SSBP3: variants seen among roughly 807,000 people sequenced by gnomAD.
SSBP3 encodes single stranded DNA binding protein 3, also known as single-stranded DNA-binding protein 3.
In SSBP3, 5 loss-of-function variants were observed where a neutral mutation model predicts 69.6. That is an observed-to-expected ratio of 0.07 (90% CI 0.04 to 0.15). SSBP3 has a LOEUF of 0.15. Ranked by LOEUF, SSBP3 falls within the 10% of genes least tolerant of loss-of-function variation. The pLI is 1.00. For missense variants in SSBP3, 312 were observed against 534.0 expected, an observed-to-expected ratio of 0.58 and a Z score of 4.10; for synonymous variants, 196 against 193.4, an observed-to-expected ratio of 1.01 and a Z score of -0.11.
At chr1:54,376,703 T>C (rs1200809571) in intron 4 of SSBP3, among the ~76,000 whole-genome samples, 5 of 152,302 alleles carry the variant, frequency 3.3e-5, no homozygotes, top group East Asian at 1.9e-4. Context: ...AACATCTAAA[T>C]TGGGAATCCC....
chr1:54,380,018 G>C (rs1301697015), intron 4 of SSBP3, among the ~76,000 whole-genome samples: 1 of 152,182 alleles, frequency 6.6e-6, no homozygotes, highest in Non-Finnish European at 1.5e-5. Context: ...TCTGTTAGCG[G>C]AAAGAGCCTG....
intron 4 of SSBP3, among the ~76,000 whole-genome samples, chr1:54,368,149 A>G (rs1647057985): frequency 6.6e-6 from 1 of 151,872 alleles, no homozygotes; most frequent in Non-Finnish European, 1.5e-5. Context: ...TAAAAATACA[A>G]AAGTTAGCCA....
intron 4 of SSBP3, among the ~76,000 whole-genome samples, chr1:54,385,314 C>CT (rs1647996835): frequency 6.6e-6 from 1 of 152,206 alleles, no homozygotes; most frequent in Non-Finnish European, 1.5e-5. Context: ...CCTTAGCTGT[C>CT]TTTGTCCTCA....
intron 4 of SSBP3, among the ~76,000 whole-genome samples, chr1:54,341,413 A>G (rs1033394550): frequency 2.6e-5 from 4 of 152,100 alleles, no homozygotes; most frequent in African/African-American, 9.7e-5. Context: ...TTAAAAAATT[A>G]CAGTGATTTC....
At chr1:54,383,113 C>A (rs1459112877) in intron 4 of SSBP3, among the ~76,000 whole-genome samples, 1 of 152,020 alleles carries the variant, frequency 6.6e-6, no homozygotes, top group South Asian at 2.1e-4. Context: ...GTGGCTCATG[C>A]CTGTAATCCC....
intron 4 of SSBP3, among the ~76,000 whole-genome samples, chr1:54,359,825 C>T (rs1213839631): frequency 1.3e-5 from 2 of 152,140 alleles, no homozygotes; most frequent in Non-Finnish European, 2.9e-5. Flanking sequence ...TGGTACCCCA[C>T]AGCAACACCA....
intron 4 of SSBP3, among the ~76,000 whole-genome samples, chr1:54,389,065 G>C (rs182775853): frequency 2.1e-3 from 325 of 152,300 alleles, no homozygotes; most frequent in Non-Finnish European, 3.4e-3. Context: ...TGCCTCAATT[G>C]AAATGGAACT....
At chr1:54,240,722 CAG>C (rs1644619839) in intron 13 of SSBP3, among the ~76,000 whole-genome samples, 181 bp downstream of exon 13, 1 of 152,138 alleles carries the variant, frequency 6.6e-6, no homozygotes, top group African/African-American at 2.4e-5. Context: ...GGAGCAGCAT[CAG>C]AGGAGTAGGT....
Position 54,316,668 on chromosome 1 carries a change from A to G in SSBP3, c.277-35141T>C, listed in dbSNP as rs866213519. Among the ~76,000 whole-genome samples, 2 of 45,560 alleles carry G rather than the reference A, an allele frequency of 4.4e-5. 1 individual carries two copies. The highest frequency in any genetic ancestry group is 7.8e-5 in the Non-Finnish European group (2 of 25,778). 29.9% of individuals were successfully genotyped at this position (45,560 alleles called of 152,430 possible). ...GTCTCAAAAAAAAAAAATAAAATAA[A>G]TAAATAAATAAATAAATAAATAAAT... On this transcript the variant is annotated intron_variant, in intron 4 of 17. Coordinates refer to ENST00000610401, the Ensembl canonical transcript of SSBP3.
intron 9 of SSBP3, among the ~76,000 whole-genome samples, chr1:54,244,833 G>C (rs1293558162): frequency 6.6e-6 from 1 of 152,060 alleles, no homozygotes; most frequent in African/African-American, 2.4e-5. Context: ...CCTTCGGGCT[G>C]ACTGCTCCAG....
chr1:54,279,321 C>T (rs985708553), intron 5 of SSBP3, among the ~76,000 whole-genome samples: 1 of 152,192 alleles, frequency 6.6e-6, no homozygotes, highest in Non-Finnish European at 1.5e-5. Flanking sequence ...TCTGACCACA[C>T]ACCCCAAACG....
At position 54,317,711 on chromosome 1, in the gene SSBP3, G is replaced by A. The variant is rs190313311; in HGVS notation, c.277-36184C>T. Reference sequence around the variant, plus strand: ...CAAAGTTGTCTACAAGAGATGGGGTGCTGTACTCAAGGAGGGAAGACAGTG... The same window carrying A: ...CAAAGTTGTCTACAAGAGATGGGGTACTGTACTCAAGGAGGGAAGACAGTG... On this transcript the variant is annotated intron_variant, in intron 4 of 17. Transcript: ENST00000610401. Among the ~76,000 whole-genome samples the A allele has an allele frequency of 2.5e-3, 388 of 152,240 alleles. 2 individuals are homozygous for A. Among genetic ancestry groups the A allele is most frequent in the Non-Finnish European group, 4.0e-3 (271 of 68,020 alleles).
chr1:54,228,107 C>T (rs900894791), intron 17 of SSBP3, 148 bp downstream of exon 17: 3 of 778,416 alleles, frequency 3.9e-6, no homozygotes, highest in Non-Finnish European at 6.6e-6. Flanking sequence ...CTGCACACTT[C>T]TGCTAAAAAA....
At chr1:54,408,597 T>C (rs769265547), upstream of SSBP3, among the ~76,000 whole-genome samples, 3 of 152,330 alleles carry the variant, frequency 2.0e-5, no homozygotes, top group African/African-American at 7.2e-5. Context: ...CATGCCCTTA[T>C]CAACTTCATG....
At chr1:54,328,306 C>G (rs1312756645) in intron 4 of SSBP3, among the ~76,000 whole-genome samples, 1 of 152,238 alleles carries the variant, frequency 6.6e-6, no homozygotes, top group Non-Finnish European at 1.5e-5. Context: ...GAAATCAGGA[C>G]TGCTGAGTCG....
At chr1:54,302,936 G>A (rs1358529514) in intron 4 of SSBP3, among the ~76,000 whole-genome samples, 1 of 152,222 alleles carries the variant, frequency 6.6e-6, no homozygotes, top group Non-Finnish European at 1.5e-5. Flanking sequence ...CCTACTGGGG[G>A]AGACAAAAGA....
rs534266007 is a variant in SSBP3, at chr1:54,251,029, G to A, written c.651+587C>T. On this transcript the variant is annotated intron_variant, in intron 9 of 17. Coordinates refer to ENST00000610401, the Ensembl canonical transcript of SSBP3. ...CGGAGCCCTCTGGTCAAAGAATCCC[G>A]GCTGAAGTGGGTGCTGGGGTCCTGC... is the stretch of plus-strand genomic sequence containing the variant. Among the ~76,000 whole-genome samples the A allele has an allele frequency of 3.5e-3, 538 of 152,306 alleles. 1 individual carries two copies. Among genetic ancestry groups the A allele is most frequent in the African/African-American group, 9.3e-3 (388 of 41,560 alleles).
chr1:54,273,493 G>A (rs568723544), intron 5 of SSBP3, among the ~76,000 whole-genome samples: 3 of 152,352 alleles, frequency 2.0e-5, no homozygotes, highest in African/African-American at 4.8e-5. Context: ...GTCATCTGCC[G>A]CTGGGCAGAC....
chr1:54,341,561 T>C lies in SSBP3; in HGVS notation c.277-60034A>G, dbSNP rs548374207. Among the ~76,000 whole-genome samples, 8 of 152,198 alleles carry C rather than the reference T, an allele frequency of 5.3e-5. No individual in the cohort carries two copies. In the East Asian group the frequency reaches 1.5e-3, roughly 29 times the overall value. On this transcript the variant is annotated intron_variant, in intron 4 of 17. Transcript: ENST00000610401. Reference sequence around the variant, plus strand: ...TAGTAAGTGCTGTGCTGGGCAAGGATGACCAAGGGCAAAAGTGAACAGGAC... The same window carrying C: ...TAGTAAGTGCTGTGCTGGGCAAGGACGACCAAGGGCAAAAGTGAACAGGAC...
Sources: gnomAD v4.1 joint callset for allele counts (sites outside exome capture counted in the v4.1 genomes callset) on GRCh38, gnomAD v4.1.1 for gene constraint, MANE v1.5 for transcripts, NCBI Gene and HGNC (gene_info 2026-07-23, HGNC 2026-07-21) for gene names.